FARS2: variants seen among roughly 807,000 people sequenced by gnomAD.
The protein encoded by FARS2 is phenylalanine--tRNA ligase, mitochondrial.
Under a neutral mutation model 46.4 loss-of-function variants are expected in FARS2, and 40 were observed. The observed-to-expected ratio is 0.86, with a 90% CI of 0.67 to 1.12. The LOEUF is 1.12. Ranked by LOEUF, FARS2 falls within the 50% of genes most tolerant of loss-of-function variation. The pLI is 0.00. For synonymous variants in FARS2, 234 were observed against 214.9 expected (o/e 1.09, Z -0.78); for missense variants, 513 against 567.9 (o/e 0.90, Z 0.98).
intron 1 of FARS2, among the ~76,000 whole-genome samples, chr6:5,354,834 G>A (rs774047295): frequency 8.5e-5 from 13 of 152,158 alleles, no homozygotes; most frequent in South Asian, 6.2e-4. Flanking sequence ...TTTTCAAGCC[G>A]TAGCTGGCAT....
At position 5,610,259 on chromosome 6, in the gene FARS2, T is replaced by C. The variant is rs576352724; in HGVS notation, c.1066-2910T>C. On this transcript the variant is annotated intron_variant, in intron 5 of 6. Coordinates refer to ENST00000274680, the MANE Select transcript of FARS2 (RefSeq NM_006567.5). ...TTCAGCAGCATCCACGAGCAGAAAG[T>C]AGCAAGCTGACGAATCGTATCTGTA... The C allele has an allele frequency of 2.0e-5, 10 of 489,608 alleles. No individual in the cohort carries two copies. The South Asian group carries it at 4.1e-4, about 20-fold the overall frequency. The allele number at this position is 489,608 out of a possible 1,614,324, so 30.3% of individuals were successfully genotyped here. A position where few individuals can be genotyped will look rare whatever the true frequency, so the allele number is the denominator to read the frequency against.
chr6:5,680,299 A>AGAGTAGCCAGGGGTTAGGCAT (rs1280114172), intron 6 of FARS2, among the ~76,000 whole-genome samples: 12 of 152,212 alleles, frequency 7.9e-5, no homozygotes, highest in East Asian at 5.8e-4. Context: ...GCTGATGGTC[A>AGAGTAGCCAGGGGTTAGGCAT]GAGTAGCCAC....
intron 3 of FARS2, among the ~76,000 whole-genome samples, chr6:5,422,480 G>A (rs1246909818): frequency 1.3e-5 from 2 of 152,128 alleles, no homozygotes; most frequent in African/African-American, 4.8e-5. Context: ...TGGAAGCTGA[G>A]TTAATGTGGT....
intron 1 of FARS2, among the ~76,000 whole-genome samples, chr6:5,276,418 G>T (rs1171401923): frequency 6.6e-6 from 1 of 152,144 alleles, no homozygotes; most frequent in Admixed American, 6.5e-5. Context: ...TGAGATCAGT[G>T]AAAGTGGGTG....
chr6:5,602,430 C>T (rs1013503012), intron 5 of FARS2, among the ~76,000 whole-genome samples: 61 of 152,086 alleles, frequency 4.0e-4, no homozygotes, highest in Admixed American at 3.8e-3. Flanking sequence ...GGGTGGATCA[C>T]GAGGACAAGA....
chr6:5,359,795 G>A (rs1243421044), intron 1 of FARS2, among the ~76,000 whole-genome samples: 3 of 152,354 alleles, frequency 2.0e-5, no homozygotes, highest in Non-Finnish European at 4.4e-5. Flanking sequence ...GAAGCCAAGA[G>A]CATTTGTGAA....
chr6:5,759,202 C>T lies in FARS2; in HGVS notation c.1218-12089C>T, dbSNP rs548099654. Among the ~76,000 whole-genome samples the T allele has an allele frequency of 5.3e-5, 8 of 152,244 alleles. No individual in the cohort carries two copies. In the East Asian group the frequency reaches 9.7e-4, roughly 18 times the overall value. On this transcript the variant is annotated intron_variant, in intron 6 of 6. Transcript: ENST00000274680. ...GCCATCCCCTCTGTCTGGGACTGCC[C>T]GCCACCCGCTCTCACTTTCTTTCAC...
intron 1 of FARS2, among the ~76,000 whole-genome samples, chr6:5,307,938 A>G (rs890094149): frequency 1.3e-5 from 2 of 152,110 alleles, no homozygotes; most frequent in Non-Finnish European, 2.9e-5. Flanking sequence ...TCTCAACACT[A>G]AAGTAAATGC....
chr6:5,264,564 T>C (rs984137065), intron 1 of FARS2, among the ~76,000 whole-genome samples: 1 of 151,582 alleles, frequency 6.6e-6, no homozygotes, highest in Non-Finnish European at 1.5e-5. Context: ...TGCAATCTCG[T>C]CCGGCTAATT....
At chr6:5,253,205 G>GC in the FARS2 span, among the ~76,000 whole-genome samples, 1 of 152,138 alleles carries the variant, frequency 6.6e-6, no homozygotes, top group African/African-American at 2.4e-5. Context: ...ATGCATTTGG[G>GC]CATCACTTTA....
At chr6:5,553,010 C>T (rs1771455285) in intron 5 of FARS2, among the ~76,000 whole-genome samples, 1 of 152,128 alleles carries the variant, frequency 6.6e-6, no homozygotes, top group Non-Finnish European at 1.5e-5. Flanking sequence ...CTACACAGAG[C>T]GATACTTATT....
intron 3 of FARS2, among the ~76,000 whole-genome samples, chr6:5,413,332 G>T (rs1762044479): frequency 6.6e-6 from 1 of 152,104 alleles, no homozygotes; most frequent in Admixed American, 6.5e-5. Context: ...AAAATTATTG[G>T]ATCTTAAGGT....
intron 6 of FARS2, among the ~76,000 whole-genome samples, chr6:5,619,351 G>C (rs1254351115): frequency 6.6e-6 from 1 of 152,154 alleles, no homozygotes; most frequent in South Asian, 2.1e-4. Flanking sequence ...GCAAGGGCAG[G>C]TTTGAAAGGG....
chr6:5,346,693 T>G (rs965101378), intron 1 of FARS2, among the ~76,000 whole-genome samples: 1 of 152,194 alleles, frequency 6.6e-6, no homozygotes, highest in Admixed American at 6.5e-5. Context: ...ATTTACATAT[T>G]ACTGTACTTG....
At chr6:5,269,888 T>C (rs1018706323) in intron 1 of FARS2, among the ~76,000 whole-genome samples, 2 of 152,232 alleles carry the variant, frequency 1.3e-5, no homozygotes, top group Non-Finnish European at 2.9e-5. Flanking sequence ...TGATTTAATA[T>C]TTTATAACGT....
intron 5 of FARS2, among the ~76,000 whole-genome samples, chr6:5,591,767 T>C (rs1212239209): frequency 6.6e-6 from 1 of 152,250 alleles, no homozygotes; most frequent in Non-Finnish European, 1.5e-5. Context: ...CAGATCATGA[T>C]TGCGCTTTGG....
intron 2 of FARS2, among the ~76,000 whole-genome samples, chr6:5,402,768 CCT>C (rs1260007016): frequency 1.3e-5 from 2 of 151,942 alleles, no homozygotes; most frequent in Non-Finnish European, 2.9e-5. Context: ...GTTTTGGGAT[CCT>C]CTCACTTCAA....
chr6:5,383,095 C>T (rs1037459709), intron 2 of FARS2, among the ~76,000 whole-genome samples: 1 of 152,168 alleles, frequency 6.6e-6, no homozygotes, highest in Non-Finnish European at 1.5e-5. Context: ...ATCTGGGCAC[C>T]CTGTGACCCC....
At chr6:5,547,549 G>T (rs1205142670) in intron 5 of FARS2, among the ~76,000 whole-genome samples, 1 of 152,180 alleles carries the variant, frequency 6.6e-6, no homozygotes, top group African/African-American at 2.4e-5. Context: ...TTGATGGTGA[G>T]ATCTAGCCCT....
Sources: allele counts gnomAD v4.1 joint callset (sites outside exome capture counted in the v4.1 genomes callset), GRCh38; gene constraint gnomAD v4.1.1; transcripts MANE v1.5; gene names NCBI Gene and HGNC (gene_info 2026-07-23, HGNC 2026-07-21).